The following SYNGR1 variants were observed in gnomAD, a reference collection of about 807,000 sequenced individuals.
SYNGR1 encodes synaptogyrin 1.
SYNGR1 carries 14 observed loss-of-function variants against 26.1 expected under a neutral mutation model. That is an observed-to-expected ratio of 0.54 (90% CI 0.35 to 0.84). The LOEUF (loss-of-function observed/expected upper bound fraction) is 0.84, where lower values mean the gene tolerates loss of function less well. Ranked by LOEUF, SYNGR1 falls within the 40% of genes least tolerant of loss-of-function variation. SYNGR1 has a pLI of 0.01. For synonymous variants in SYNGR1, 141 were observed against 150.1 expected, an observed-to-expected ratio of 0.94 and a Z score of 0.44; for missense variants, 319 against 332.9, an observed-to-expected ratio of 0.96 and a Z score of 0.33.
Position 39,381,801 on chromosome 22 carries a change from G to A in SYNGR1, c.589G>A (p.Ala197Thr), listed in dbSNP as rs1312427505. ...DPSQDSSMPYAPYVEPTGPDP... is the reference protein window; with the variant it reads ...DPSQDSSMPYTPYVEPTGPDP... ...CAGCCAGGACTCCAGCATGCCTTAC[G>A]CGCCCTACGTGGAGCCCACTGGGCC... The change falls in exon 4 of 4, where the codon GCG becomes ACG. Residue 197 changes from alanine to threonine, a missense_variant. Ala to Thr is a moderately conservative substitution (Grantham distance 58, BLOSUM62 0). Transcript: ENST00000328933. The A allele has an allele frequency of 5.8e-6, 9 of 1,554,962 alleles. No individual in the cohort carries two copies. Among genetic ancestry groups the A allele is most frequent in the Middle Eastern group, 1.7e-4 (1 of 6,006 alleles).
intron 3 of SYNGR1, chr22:39,376,939 T>A: frequency 6.5e-7 from 1 of 1,546,960 alleles, no homozygotes; most frequent in Non-Finnish European, 8.7e-7. Context: ...GGCCCTGGGC[T>A]GGCAGCTCGG....
Position 39,374,375 on chromosome 22 carries a change from C to T in SYNGR1, c.159C>T (p.Ser53=), listed in dbSNP as rs115437880. Residue 53 remains serine, a synonymous_variant, in exon 2 of 4, where the codon TCC becomes TCT. Coordinates refer to ENST00000328933, the MANE Select transcript of SYNGR1 (RefSeq NM_004711.5). ...IVNEGYLNSA[S]EGEEFCIYNR... ...ACGAGGGCTACCTCAACAGCGCCTC[C>T]GAGGGGGAGGAGTTCTGCATCTACA... is the stretch of plus-strand genomic sequence containing the variant. 131 of 1,614,086 alleles carry T rather than the reference C, an allele frequency of 8.1e-5. No homozygotes were observed. In the African/African-American group the frequency reaches 1.1e-3, roughly 14 times the overall value.
intron 1 of SYNGR1, among the ~76,000 whole-genome samples, chr22:39,358,967 C>G (rs1186377102): frequency 6.6e-6 from 1 of 152,268 alleles, no homozygotes; most frequent in Non-Finnish European, 1.5e-5. Context: ...CAGCCCCAAG[C>G]TGTCAAACCC....
chr22:39,371,989 T>C (rs78751209), intron 1 of SYNGR1, among the ~76,000 whole-genome samples: 10,611 of 152,210 alleles, frequency 0.07, 553 homozygotes, highest in Admixed American at 0.15. Flanking sequence ...AAATATTTGT[T>C]ATCTGACAGT....
At position 39,352,196 on chromosome 22, in the gene SYNGR1, C is replaced by A. The variant is rs569069120; in HGVS notation, c.99+2087C>A. Among the ~76,000 whole-genome samples, 3 of 152,338 alleles carry A rather than the reference C, an allele frequency of 2.0e-5. No individual in the cohort carries two copies. The East Asian group carries it at 5.8e-4, about 29-fold the overall frequency. On this transcript the variant is annotated intron_variant, in intron 1 of 3. Coordinates refer to ENST00000328933, the MANE Select transcript of SYNGR1 (RefSeq NM_004711.5). ...CCTGGAATGTCAGGATTGGAAAGGA[C>A]ACAAAGGTCACCTGGACCAACCAAT...
chr22:39,360,366 G>A (rs780826285), intron 1 of SYNGR1, among the ~76,000 whole-genome samples: 8 of 152,224 alleles, frequency 5.3e-5, no homozygotes, highest in Non-Finnish European at 7.4e-5. Context: ...AGTTGTCACC[G>A]TCTCCAGGGT....
At position 39,381,853 on chromosome 22, in the gene SYNGR1, A is replaced by C; in HGVS notation, c.641A>C (p.Tyr214Ser). 6.2e-7 allele frequency: 1 copy of C among 1,612,544 alleles called. No individual in the cohort carries two copies. The highest frequency in any genetic ancestry group is 8.5e-7 in the Non-Finnish European group (1 of 1,179,814). The change falls in exon 4 of 4, where the codon TAC becomes TCC. Residue 214 changes from tyrosine to serine, a missense_variant. By Grantham distance (144) the Tyr-to-Ser change is moderately radical (BLOSUM62 -2). Transcript: ENST00000328933. ...GATCCCGCCGGTATGGGCGGCACCT[A>C]CCAGCAGCCGGCCAACACCTTCGAC... ...GPDPAGMGGT[Y>S]QQPANTFDTE...
At chr22:39,371,511 C>T (rs950467080) in intron 1 of SYNGR1, among the ~76,000 whole-genome samples, 6 of 151,582 alleles carry the variant, frequency 4.0e-5, no homozygotes, top group Non-Finnish European at 4.4e-5. Flanking sequence ...AGTTTCTGGC[C>T]GGGCATGGTG....
intron 3 of SYNGR1, chr22:39,377,661 A>G (rs1925348403): frequency 6.2e-7 from 1 of 1,613,878 alleles, no homozygotes; most frequent in Non-Finnish European, 8.5e-7. Context: ...GGAGTACAGC[A>G]CACTGTTCCC....
At position 39,384,308 on chromosome 22, in the gene SYNGR1, C is replaced by G. The variant is rs1050533431; in HGVS notation, c.*2394C>G. 6 of 390,832 alleles carry G rather than the reference C, an allele frequency of 1.5e-5. No individual in the cohort carries two copies. The highest frequency in any genetic ancestry group is 4.5e-5 in the Admixed American group (1 of 22,438). 24.2% of individuals were successfully genotyped at this position (390,832 alleles called of 1,614,324 possible). A position where few individuals can be genotyped will look rare whatever the true frequency, so the allele number is the denominator to read the frequency against. ...GGCAGGGTACCAGGTAAGCTTAACTCCATCTTGGGTGTTTGTGACAGGCCC... is the reference window on the plus strand; with the variant it reads ...GGCAGGGTACCAGGTAAGCTTAACTGCATCTTGGGTGTTTGTGACAGGCCC... On this transcript the variant is annotated 3_prime_UTR_variant, in exon 4 of 4. Transcript: ENST00000328933.
chr22:39,364,693 C>G (rs1408526600), intron 1 of SYNGR1, among the ~76,000 whole-genome samples: 1 of 152,098 alleles, frequency 6.6e-6, no homozygotes, highest in Non-Finnish European at 1.5e-5. Context: ...TGTCAGACAG[C>G]CTGAGGACAC....
chr22:39,369,868 T>C (rs1199491069), intron 1 of SYNGR1, among the ~76,000 whole-genome samples: 1 of 152,254 alleles, frequency 6.6e-6, no homozygotes, highest in African/African-American at 2.4e-5. Flanking sequence ...TGCCCACCTC[T>C]GTGCCCATGG....
At chr22:39,364,310 C>T (rs549387307) in intron 1 of SYNGR1, 1 of 1,593,066 alleles carries the variant, frequency 6.3e-7, no homozygotes, top group African/African-American at 1.8e-5. Context: ...GGTTCCCCAT[C>T]TGCTGTGGGT....
chr22:39,365,121 C>T (rs1924675911), intron 1 of SYNGR1, among the ~76,000 whole-genome samples: 1 of 152,220 alleles, frequency 6.6e-6, no homozygotes, highest in Non-Finnish European at 1.5e-5. Context: ...GGCTCTGCCT[C>T]TGAAGACCTG....
intron 1 of SYNGR1, among the ~76,000 whole-genome samples, chr22:39,357,748 C>T (rs530154086): frequency 6.6e-6 from 1 of 152,082 alleles, no homozygotes; most frequent in Admixed American, 6.5e-5. Context: ...CCCGGGCCAG[C>T]GGCTGCGGAG....
intron 3 of SYNGR1, chr22:39,376,917 C>G: frequency 6.5e-7 from 1 of 1,537,272 alleles, no homozygotes; most frequent in Non-Finnish European, 8.8e-7. Context: ...AAGTATGTCT[C>G]TGGGCCCAGC....
intron 1 of SYNGR1, among the ~76,000 whole-genome samples, chr22:39,355,270 G>A (rs1924094296): frequency 6.6e-6 from 1 of 152,216 alleles, no homozygotes; most frequent in Admixed American, 6.5e-5. Flanking sequence ...GGAAGCTCCT[G>A]TGGAAGCTTG....
At chr22:39,379,167 C>A (rs1467492485) in intron 3 of SYNGR1, among the ~76,000 whole-genome samples, 1 of 152,244 alleles carries the variant, frequency 6.6e-6, no homozygotes, top group Admixed American at 6.5e-5. Flanking sequence ...GAGCCCCCAG[C>A]AGCCAGGACC....
At position 39,350,156 on chromosome 22, in the gene SYNGR1, G is replaced by A. The variant is rs528761894; in HGVS notation, c.99+47G>A. The stretch of plus-strand genomic sequence containing the variant: ...GCTCTGCCAGGCCGGGGTGGTGGGG[G>A]TGTGAGCAAAGGCGGCGCGCCCGGA... On this transcript the variant is annotated intron_variant, in intron 1 of 3. Transcript: ENST00000328933. This position sits in a 1 kb window ranked among gnomAD's most constrained non-coding sequence, Gnocchi z 4.3. The A allele has an allele frequency of 2.8e-4, 373 of 1,328,122 alleles. No individual in the cohort carries two copies. The highest frequency in any genetic ancestry group is 3.5e-4 in the Non-Finnish European group (356 of 1,013,730). 82.3% of individuals were successfully genotyped at this position (1,328,122 alleles called of 1,614,324 possible).
Sources: allele counts gnomAD v4.1 joint callset (sites outside exome capture counted in the v4.1 genomes callset), GRCh38; gene constraint gnomAD v4.1.1; non-coding constraint Gnocchi (gnomAD v3.1); transcripts MANE v1.5; gene names NCBI Gene and HGNC (gene_info 2026-07-23, HGNC 2026-07-21).